Variants in ZNF362 observed in about 807,000 individuals in gnomAD.
ZNF362 encodes zinc finger protein 362, also known as rotund homolog.
A neutral mutation model predicts 42.9 loss-of-function variants in ZNF362; 11 were observed. That is an observed-to-expected ratio of 0.26 (90% CI 0.16 to 0.42). The LOEUF is 0.42. ZNF362 is among the 20% of genes least tolerant of loss of function. The pLI, the probability that ZNF362 is intolerant of heterozygous loss-of-function variation, is 1.00. For missense variants in ZNF362, 362 were observed against 576.2 expected (o/e 0.63, Z 3.81); for synonymous variants, 255 against 257.3 (o/e 0.99, Z 0.09).
chr1:33,265,053 A>C (rs1200276606), intron 1 of ZNF362, among the ~76,000 whole-genome samples: 1 of 151,930 alleles, frequency 6.6e-6, no homozygotes, highest in Non-Finnish European at 1.5e-5. Flanking sequence ...GGTGCCTGGC[A>C]TGGAGGAAGC....
the ZNF362 span, among the ~76,000 whole-genome samples, chr1:33,134,799 G>A: frequency 1.3e-5 from 2 of 152,232 alleles, no homozygotes; most frequent in Non-Finnish European, 1.5e-5. Context: ...GCGAGGATGA[G>A]TTGTCAGCTC....
At chr1:33,292,066 T>A (rs1350046896) in intron 6 of ZNF362, among the ~76,000 whole-genome samples, 1 of 152,218 alleles carries the variant, frequency 6.6e-6, no homozygotes, top group Non-Finnish European at 1.5e-5. Context: ...TATTTCTTTC[T>A]CCTGCCTGAT....
the ZNF362 span, chr1:33,158,194 G>C: frequency 6.7e-7 from 1 of 1,493,614 alleles, no homozygotes; most frequent in Admixed American, 1.7e-5. Context: ...AGGACAGGGG[G>C]CTGGGCTGTG....
At chr1:33,298,896 G>A in intron 8 of ZNF362, 34 bp from the exon 9 acceptor site, 1 of 1,579,734 alleles carries the variant, frequency 6.3e-7, no homozygotes, top group Non-Finnish European at 8.7e-7. Flanking sequence ...CCTTGCTGGT[G>A]GTTCCCTGTT....
chr1:33,162,426 T>G, the ZNF362 span, among the ~76,000 whole-genome samples: 670 of 152,326 alleles, frequency 4.4e-3, 22 homozygotes, highest in East Asian at 0.082. Context: ...CCAGAGCCTT[T>G]TGTCAACAGT....
chr1:33,255,199 A>G (rs1329785804), upstream of ZNF362, among the ~76,000 whole-genome samples: 1 of 152,210 alleles, frequency 6.6e-6, no homozygotes, highest in Non-Finnish European at 1.5e-5. Flanking sequence ...CTGGACTAGA[A>G]TCTTCGTGAG....
chr1:33,130,802 G>A, the ZNF362 span, among the ~76,000 whole-genome samples: 1 of 152,232 alleles, frequency 6.6e-6, no homozygotes, highest in African/African-American at 2.4e-5. Flanking sequence ...AGAGGGTGGT[G>A]GTTGTAGGCC....
the ZNF362 span, among the ~76,000 whole-genome samples, chr1:33,219,308 T>A: frequency 6.6e-6 from 1 of 152,196 alleles, no homozygotes; most frequent in Non-Finnish European, 1.5e-5. Flanking sequence ...GAGCCCACAG[T>A]GGGCCTGCCC....
chr1:33,142,811 G>A, the ZNF362 span: 1 of 152,222 alleles, frequency 6.6e-6, no homozygotes, highest in Non-Finnish European at 1.5e-5. Flanking sequence ...TCTGGCTTTA[G>A]CTTTGGATGG....
the ZNF362 span, chr1:33,147,022 C>T: frequency 6.9e-6 from 5 of 726,374 alleles, no homozygotes; most frequent in Non-Finnish European, 9.1e-6. The surrounding 1 kb of genome is among the most constrained non-coding windows in gnomAD (Gnocchi z 8.1). Context: ...GTAGGGAATG[C>T]AACCTCCATT....
chr1:33,161,703 T>TG, the ZNF362 span, among the ~76,000 whole-genome samples: 1 of 152,102 alleles, frequency 6.6e-6, no homozygotes, highest in South Asian at 2.1e-4. This position sits in a 1 kb window ranked among gnomAD's most constrained non-coding sequence, Gnocchi z 4.3. Flanking sequence ...ATGGGGAAGA[T>TG]GGGGTCCGTC....
chr1:33,221,694 A>G, the ZNF362 span, among the ~76,000 whole-genome samples: 1 of 152,190 alleles, frequency 6.6e-6, no homozygotes, highest in Non-Finnish European at 1.5e-5. Context: ...GGCTCATTCC[A>G]AAGACAATTC....
chr1:33,175,493 T>C, the ZNF362 span, among the ~76,000 whole-genome samples: 4 of 152,168 alleles, frequency 2.6e-5, no homozygotes, highest in Non-Finnish European at 5.9e-5. Context: ...TGAGCTCTGG[T>C]CTAACCCTGG....
the ZNF362 span, among the ~76,000 whole-genome samples, chr1:33,152,517 A>G: frequency 1.1e-4 from 16 of 150,654 alleles, no homozygotes; most frequent in Non-Finnish European, 1.8e-4. Flanking sequence ...TGGTGAGCCA[A>G]GATTGTGCCA....
At chr1:33,239,949 G>A in the ZNF362 span, among the ~76,000 whole-genome samples, 1 of 152,166 alleles carries the variant, frequency 6.6e-6, no homozygotes, top group Non-Finnish European at 1.5e-5. Context: ...ATGAATCTAT[G>A]TATCCATACT....
chr1:33,274,013 T>G (rs1414304490), intron 2 of ZNF362, among the ~76,000 whole-genome samples: 1 of 152,138 alleles, frequency 6.6e-6, no homozygotes, highest in Non-Finnish European at 1.5e-5. Flanking sequence ...CCGTGGAGCC[T>G]CCTTACCCTG....
intron 1 of ZNF362, among the ~76,000 whole-genome samples, chr1:33,264,973 A>G (rs1175585532): frequency 2.0e-5 from 3 of 152,070 alleles, no homozygotes; most frequent in African/African-American, 4.8e-5. Context: ...TTATATTTCA[A>G]AACACTCACA....
At chr1:33,165,601 G>A in the ZNF362 span, 2 of 1,547,638 alleles carry the variant, frequency 1.3e-6, no homozygotes, top group Non-Finnish European at 1.8e-6. The surrounding 1 kb of genome is among the most constrained non-coding windows in gnomAD (Gnocchi z 4.0). Context: ...GGGGGCAGGG[G>A]CCATGCCTGG....
At chr1:33,240,726 T>A in the ZNF362 span, among the ~76,000 whole-genome samples, 1 of 152,126 alleles carries the variant, frequency 6.6e-6, no homozygotes, top group South Asian at 2.1e-4. Context: ...ATATCCCATA[T>A]CCCTGTGTTT....
Sources: allele counts gnomAD v4.1 joint callset (sites outside exome capture counted in the v4.1 genomes callset), GRCh38; gene constraint gnomAD v4.1.1; non-coding constraint Gnocchi (gnomAD v3.1); transcripts MANE v1.5; gene names NCBI Gene and HGNC (gene_info 2026-07-23, HGNC 2026-07-21).